The following PUS10 variants were observed in gnomAD, a reference collection of about 807,000 sequenced individuals.
PUS10 encodes tRNA pseudouridine synthase Pus10.
Under a neutral mutation model 75.0 loss-of-function variants are expected in PUS10, and 59 were observed. The ratio of observed to expected loss-of-function variants is 0.79; its 90% CI spans 0.64 to 0.98. PUS10 has a LOEUF of 0.98. Among genes scored for constraint, PUS10 ranks in the 50% least tolerant of loss-of-function variants. PUS10 has a pLI of 0.00. For missense variants in PUS10, 650 were observed against 614.4 expected, an observed-to-expected ratio of 1.06 and a Z score of -0.61; for synonymous variants, 219 against 211.6, an observed-to-expected ratio of 1.03 and a Z score of -0.30.
intron 16 of PUS10, among the ~76,000 whole-genome samples, chr2:60,945,365 T>C (rs558099938): frequency 6.6e-6 from 1 of 152,342 alleles, no homozygotes; most frequent in African/African-American, 2.4e-5. Flanking sequence ...ATAGCTCATC[T>C]CCAAGTGCCA....
Position 61,018,099 on chromosome 2 carries a change from T to C in PUS10, c.-107A>G. 1.3e-6 allele frequency: 2 copies of C among 1,543,304 alleles called. No individual in the cohort carries two copies. The highest frequency in any genetic ancestry group is 1.7e-6 in the Non-Finnish European group (2 of 1,143,840). On this transcript the variant is annotated 5_prime_UTR_variant, in exon 1 of 18. Coordinates refer to ENST00000316752, the MANE Select transcript of PUS10 (RefSeq NM_144709.4). ...GGGAGCTCCTGGGCGTCTCTCTGGG[T>C]CTCTGTGCTTGAAAGAAAGGGGGGC...
Position 60,942,188 on chromosome 2 carries a change from A to G in PUS10, c.*207T>C. The G allele has an allele frequency of 2.1e-6, 1 of 485,966 alleles. No individual in the cohort carries two copies. 30.1% of individuals were successfully genotyped at this position (485,966 alleles called of 1,614,324 possible). On this transcript the variant is annotated 3_prime_UTR_variant, in exon 18 of 18. Coordinates refer to ENST00000316752, the MANE Select transcript of PUS10 (RefSeq NM_144709.4). ...TGAAAGAGGGAATGAGAAAAATCCT[A>G]AGACATCCTTGGAACAATTTAACAC...
intron 11 of PUS10, among the ~76,000 whole-genome samples, chr2:60,959,293 C>T (rs922734850): frequency 1.3e-5 from 2 of 152,224 alleles, no homozygotes; most frequent in African/African-American, 4.8e-5. Flanking sequence ...CCCAAAGAGG[C>T]CAAGGCTGAG....
In PUS10 at chr2:60,960,382, T is replaced by C; in HGVS notation, c.1000+10A>G. On this transcript the variant is annotated intron_variant, in intron 11 of 17. Coordinates refer to ENST00000316752, the MANE Select transcript of PUS10 (RefSeq NM_144709.4). ...AAAAGAAAGAAAAGTATGAAGATCG[T>C]AACACTTACTCTCTGCTTTAAATAC... The C allele has an allele frequency of 6.7e-7, 1 of 1,501,240 alleles. No homozygotes were observed. Among genetic ancestry groups the C allele is most frequent in the Non-Finnish European group, 8.8e-7 (1 of 1,134,646 alleles). The allele number at this position is 1,501,240 out of a possible 1,614,324, so 93.0% of individuals were successfully genotyped here.
At chr2:60,963,577 G>A (rs1676161104) in intron 8 of PUS10, among the ~76,000 whole-genome samples, 1 of 152,200 alleles carries the variant, frequency 6.6e-6, no homozygotes, top group South Asian at 2.1e-4. Context: ...TCTTCTGTTA[G>A]GAGAAATCAC....
At chr2:61,002,929 T>A (rs1240644560) in intron 4 of PUS10, among the ~76,000 whole-genome samples, 1 of 152,214 alleles carries the variant, frequency 6.6e-6, no homozygotes, top group East Asian at 1.9e-4. Flanking sequence ...TACGTCTTAC[T>A]GTAACACTGT....
At chr2:60,957,542 C>T (rs1438332395) in intron 11 of PUS10, among the ~76,000 whole-genome samples, 5 of 152,216 alleles carry the variant, frequency 3.3e-5, no homozygotes, top group Admixed American at 6.5e-5. Context: ...CCCAGATAAT[C>T]GGCAGAACGT....
chr2:60,952,770 C>T (rs1675420868), intron 15 of PUS10, among the ~76,000 whole-genome samples: 1 of 152,244 alleles, frequency 6.6e-6, no homozygotes, highest in African/African-American at 2.4e-5. Flanking sequence ...CCCAGGCAAA[C>T]TGTCTTCAGA....
chr2:60,993,284 A>G (rs7595523), intron 4 of PUS10, among the ~76,000 whole-genome samples: 13,570 of 152,080 alleles, frequency 0.089, 2,015 homozygotes, highest in African/African-American at 0.31. Flanking sequence ...GTGAAACCCC[A>G]TCTCTACTAA....
At chr2:60,947,828 CAAAAAAAAA>C (rs890632119) in intron 16 of PUS10, among the ~76,000 whole-genome samples, 2 of 46,058 alleles carry the variant, frequency 4.3e-5, no homozygotes, top group Admixed American at 2.2e-4. Context: ...GACTCTGCCT[CAAAAAAAAA>C]AAAAAAAAAA....
intron 4 of PUS10, among the ~76,000 whole-genome samples, chr2:60,978,918 T>C (rs1677207844): frequency 6.6e-6 from 1 of 152,208 alleles, no homozygotes; most frequent in Non-Finnish European, 1.5e-5. Flanking sequence ...ATGTTGAGGT[T>C]TCTAAATCAC....
At chr2:60,972,660 G>A (rs546541587) in intron 4 of PUS10, among the ~76,000 whole-genome samples, 2 of 152,224 alleles carry the variant, frequency 1.3e-5, no homozygotes, top group South Asian at 4.1e-4. Context: ...AATACCACAT[G>A]TAGTCTGCTT....
At chr2:60,990,963 C>T (rs184142752) in intron 4 of PUS10, among the ~76,000 whole-genome samples, 8 of 152,176 alleles carry the variant, frequency 5.3e-5, no homozygotes, top group African/African-American at 1.9e-4. Context: ...CCAGGCTGGT[C>T]TTGAACTCCT....
At chr2:60,947,848 A>T (rs562426906) in intron 16 of PUS10, among the ~76,000 whole-genome samples, 195 bp downstream of exon 16, 2,420 of 150,824 alleles carry the variant, frequency 0.016, 66 homozygotes, top group African/African-American at 0.056. Flanking sequence ...AAAAAAAAAA[A>T]AAGAAAAGAA....
intron 4 of PUS10, among the ~76,000 whole-genome samples, chr2:60,997,914 G>A (rs985610036): frequency 6.6e-6 from 1 of 152,140 alleles, no homozygotes; most frequent in African/African-American, 2.4e-5. Context: ...GGGTGAGAGA[G>A]AACACACACA....
At chr2:61,009,055 A>T (rs1352378492) in intron 2 of PUS10, 40 bp from the exon 3 acceptor site, 3 of 1,566,872 alleles carry the variant, frequency 1.9e-6, no homozygotes, top group Non-Finnish European at 2.6e-6. Context: ...ACCCACTGAC[A>T]ATGTCCTTAA....
At chr2:60,977,591 AAT>A (rs1178648339) in intron 4 of PUS10, among the ~76,000 whole-genome samples, 1 of 152,224 alleles carries the variant, frequency 6.6e-6, no homozygotes, top group African/African-American at 2.4e-5. Context: ...TTAAGAGGAA[AAT>A]ATGTCTTGTG....
chr2:60,975,869 C>T (rs896852753), intron 4 of PUS10, among the ~76,000 whole-genome samples: 1 of 152,146 alleles, frequency 6.6e-6, no homozygotes, highest in African/African-American at 2.4e-5. Context: ...TCAAACGATT[C>T]TCCTGCCTCA....
intron 15 of PUS10, among the ~76,000 whole-genome samples, chr2:60,950,286 T>C (rs1046637567): frequency 2.0e-5 from 3 of 152,244 alleles, no homozygotes; most frequent in African/African-American, 7.2e-5. Flanking sequence ...TTCTGCACTT[T>C]GCTTTTTTTC....
Sources: gnomAD v4.1 joint callset for allele counts (sites outside exome capture counted in the v4.1 genomes callset) on GRCh38, gnomAD v4.1.1 for gene constraint, MANE v1.5 for transcripts, NCBI Gene and HGNC (gene_info 2026-07-23, HGNC 2026-07-21) for gene names.